The following FXN variants were observed in gnomAD, a reference collection of about 807,000 sequenced individuals.
The protein encoded by FXN is frataxin, mitochondrial.
Under a neutral mutation model 22.4 loss-of-function variants are expected in FXN, and 14 were observed. The observed-to-expected ratio is 0.62, with a 90% CI of 0.41 to 0.98. The LOEUF is 0.98. Among genes scored for constraint, FXN ranks in the 50% least tolerant of loss-of-function variants. FXN has a pLI of 0.00. For missense variants in FXN, 267 were observed against 268.4 expected (o/e 0.99, Z 0.04); for synonymous variants, 120 against 114.1 (o/e 1.05, Z -0.33).
At chr9:69,039,150 G>A (rs1831612224) in intron 1 of FXN, among the ~76,000 whole-genome samples, 2 of 152,080 alleles carry the variant, frequency 1.3e-5, no homozygotes, top group African/African-American at 4.8e-5. Context: ...CTACTCAGGA[G>A]GCTGAGGCAG....
At chr9:69,064,566 A>G (rs1207476269) in intron 3 of FXN, among the ~76,000 whole-genome samples, 1 of 151,882 alleles carries the variant, frequency 6.6e-6, no homozygotes, top group African/African-American at 2.4e-5. Flanking sequence ...CATTTTTTTT[A>G]TGTCCTCTAG....
Position 69,078,292 on chromosome 9 carries a change from C to T in FXN, c.*5530C>T, listed in dbSNP as rs915784582. ...CCGTCCAGAGCATAGCCACCTGATC[C>T]TGCTGGGATTCCTCTTGCCAGTCCA... On this transcript the variant is annotated 3_prime_UTR_variant, in exon 5 of 5. Transcript: ENST00000484259. The T allele has an allele frequency of 3.0e-6, 3 of 985,396 alleles. No homozygotes were observed. Among genetic ancestry groups the T allele is most frequent in the Non-Finnish European group, 3.6e-6 (3 of 829,984 alleles). 61.0% of individuals were successfully genotyped at this position (985,396 alleles called of 1,614,324 possible).
rs1832407929 is a variant in FXN, at chr9:69,078,311, C to T, written c.*5549C>T. 1.0e-6 allele frequency: 1 copy of T among 985,514 alleles called. No homozygotes were observed. Among genetic ancestry groups the T allele is most frequent in the South Asian group, 4.7e-5 (1 of 21,284 alleles). 61.0% of individuals were successfully genotyped at this position (985,514 alleles called of 1,614,324 possible). A position where few individuals can be genotyped will look rare whatever the true frequency, so the allele number is the denominator to read the frequency against. On this transcript the variant is annotated 3_prime_UTR_variant, in exon 5 of 5. Coordinates refer to ENST00000484259, the MANE Select transcript of FXN (RefSeq NM_000144.5). ...CTGATCCTGCTGGGATTCCTCTTGC[C>T]AGTCCATCAGCAGTTCCCCTTGAAA...
chr9:69,047,906 C>T (rs1434076275), intron 2 of FXN, among the ~76,000 whole-genome samples: 4 of 152,132 alleles, frequency 2.6e-5, no homozygotes, highest in African/African-American at 4.8e-5. Context: ...TTAGTAAAGA[C>T]GGGGTTTCAC....
intron 3 of FXN, among the ~76,000 whole-genome samples, chr9:69,057,339 CAG>C (rs1367112823): frequency 6.6e-6 from 1 of 152,190 alleles, no homozygotes; most frequent in African/African-American, 2.4e-5. Flanking sequence ...AGTAGTGGGT[CAG>C]AGAACCTTCC....
Position 69,035,812 on chromosome 9 carries a change from C to G in FXN, c.30C>G (p.Ala10=). 6.6e-7 allele frequency: 1 copy of G among 1,511,664 alleles called. No individual in the cohort carries two copies. Among genetic ancestry groups the G allele is most frequent in the Non-Finnish European group, 8.8e-7 (1 of 1,136,830 alleles). The allele number at this position is 1,511,664 out of a possible 1,614,324, so 93.6% of individuals were successfully genotyped here. A position where few individuals can be genotyped will look rare whatever the true frequency, so the allele number is the denominator to read the frequency against. Residue 10 remains alanine (A), a synonymous_variant, in exon 1 of 5, where the codon GCC becomes GCG. Transcript: ENST00000484259. MWTLGRRAV[A]GLLASPSPAQ... ...GGACTCTCGGGCGCCGCGCAGTAGC[C>G]GGCCTCCTGGCGTCACCCAGCCCAG...
Position 69,077,550 on chromosome 9 carries a change from G to T in FXN, c.*4788G>T. The T allele has an allele frequency of 3.0e-6, 3 of 985,428 alleles. No individual in the cohort carries two copies. Among genetic ancestry groups the T allele is most frequent in the Non-Finnish European group, 3.6e-6 (3 of 829,926 alleles). 61.0% of individuals were successfully genotyped at this position (985,428 alleles called of 1,614,324 possible). A position where few individuals can be genotyped will look rare whatever the true frequency, so the allele number is the denominator to read the frequency against. ...CCTCTGAGGCCCCATCCAGGTAGAA[G>T]TACTAGTGCAAGAAGGGCCTCTGCT... On this transcript the variant is annotated 3_prime_UTR_variant, in exon 5 of 5. Coordinates refer to ENST00000484259, the MANE Select transcript of FXN (RefSeq NM_000144.5).
chr9:69,072,249 G>C (rs1832288872), intron 4 of FXN, among the ~76,000 whole-genome samples: 1 of 152,184 alleles, frequency 6.6e-6, no homozygotes, highest in Non-Finnish European at 1.5e-5. Flanking sequence ...AATATTATAG[G>C]TAAGGCACAA....
chr9:69,076,218 T>G lies in FXN; in HGVS notation c.*3456T>G, dbSNP rs1832364789. The G allele has an allele frequency of 1.7e-5, 4 of 240,960 alleles. No homozygotes were observed. Among genetic ancestry groups the G allele is most frequent in the African/African-American group, 6.2e-5 (1 of 16,078 alleles). The allele number at this position is 240,960 out of a possible 1,614,324, so 14.9% of individuals were successfully genotyped here. Reference sequence around the variant, plus strand: ...TGTAGACACTGACAGTGGCCTCATGTTTTTTTTTTTTTTAATCTATAAAAT... The same window carrying G: ...TGTAGACACTGACAGTGGCCTCATGGTTTTTTTTTTTTTAATCTATAAAAT... On this transcript the variant is annotated 3_prime_UTR_variant, in exon 5 of 5. Transcript: ENST00000484259.
intron 3 of FXN, among the ~76,000 whole-genome samples, chr9:69,063,916 T>C (rs1369533883): frequency 1.3e-5 from 2 of 152,208 alleles, no homozygotes; most frequent in Non-Finnish European, 2.9e-5. Flanking sequence ...ACTTCTGGGC[T>C]CAAGCCATCT....
intron 2 of FXN, among the ~76,000 whole-genome samples, chr9:69,047,969 C>T (rs969214475): frequency 1.3e-5 from 2 of 152,148 alleles, no homozygotes; most frequent in Non-Finnish European, 2.9e-5. Context: ...CCGCCCGCCT[C>T]GGCCTCCCAA....
At chr9:69,039,448 A>G (rs1192172446) in intron 1 of FXN, among the ~76,000 whole-genome samples, 2 of 152,130 alleles carry the variant, frequency 1.3e-5, no homozygotes, top group Non-Finnish European at 2.9e-5. Flanking sequence ...AGATCTGGCT[A>G]CTCAGCAGAA....
At chr9:69,046,609 C>A in intron 2 of FXN, 127 bp downstream of exon 2, 1 of 713,744 alleles carries the variant, frequency 1.4e-6, no homozygotes, top group Non-Finnish European at 2.5e-6. Flanking sequence ...TGAGTATCCA[C>A]CACATTATTT....
Position 69,079,075 on chromosome 9 carries a change from A to G in FXN, c.*6313A>G. The G allele has an allele frequency of 6.8e-6, 6 of 882,670 alleles. No homozygotes were observed. Among genetic ancestry groups the G allele is most frequent in the Non-Finnish European group, 8.1e-6 (6 of 736,702 alleles). 54.7% of individuals were successfully genotyped at this position (882,670 alleles called of 1,614,324 possible). On this transcript the variant is annotated 3_prime_UTR_variant, in exon 5 of 5. Transcript: ENST00000484259. ...GTTCAAATAAACTCTAAATAACCCCAACTCCAAGAGTGTTAGCAAGAAATA... is the reference window on the plus strand; with the variant it reads ...GTTCAAATAAACTCTAAATAACCCCGACTCCAAGAGTGTTAGCAAGAAATA...
chr9:69,076,057 C>T lies in FXN; in HGVS notation c.*3295C>T, dbSNP rs769791923. 6.1e-6 allele frequency: 6 copies of T among 984,080 alleles called. No individual in the cohort carries two copies. In the South Asian group the frequency reaches 1.4e-4, roughly 23 times the overall value. 61.0% of individuals were successfully genotyped at this position (984,080 alleles called of 1,614,324 possible). A position where few individuals can be genotyped will look rare whatever the true frequency, so the allele number is the denominator to read the frequency against. ...TCTTGAGTGGGTAGAACCTCAGCCACATAGAAAATAAAATGTTCTGGCATG... is the reference window on the plus strand; with the variant it reads ...TCTTGAGTGGGTAGAACCTCAGCCATATAGAAAATAAAATGTTCTGGCATG... On this transcript the variant is annotated 3_prime_UTR_variant, in exon 5 of 5. Coordinates refer to ENST00000484259, the MANE Select transcript of FXN (RefSeq NM_000144.5).
chr9:69,064,966 G>A lies in FXN; in HGVS notation c.413G>A (p.Gly138Glu). The change falls in exon 4 of 5, where the codon GGA becomes GAA. Residue 138 changes from glycine (G) to glutamate (E), a missense_variant. Coordinates refer to ENST00000484259, the MANE Select transcript of FXN (RefSeq NM_000144.5). Reference protein sequence around the residue: ...GSGVLTVKLGGDLGTYVINKQ... With the variant: ...GSGVLTVKLGEDLGTYVINKQ... ...GGTGTCTTAACTGTCAAACTGGGTG[G>A]AGATCTAGGAACCTATGTGATCAAC... is the stretch of plus-strand genomic sequence containing the variant. 6.2e-7 allele frequency: 1 copy of A among 1,613,452 alleles called. No individual in the cohort carries two copies. The highest frequency in any genetic ancestry group is 2.2e-5 in the East Asian group (1 of 44,858).
rs1015167303 is a variant in FXN, at chr9:69,035,782, C to T, written c.-1C>T. ...GGAGCGGGCGGCAGACCCGGAGCAG[C>T]ATGTGGACTCTCGGGCGCCGCGCAG... On this transcript the variant is annotated 5_prime_UTR_variant, in exon 1 of 5. Coordinates refer to ENST00000484259, the MANE Select transcript of FXN (RefSeq NM_000144.5). 4 of 1,508,242 alleles carry T rather than the reference C, an allele frequency of 2.7e-6. No homozygotes were observed. The highest frequency in any genetic ancestry group is 4.1e-5 in the Admixed American group (2 of 48,858). 93.4% of individuals were successfully genotyped at this position (1,508,242 alleles called of 1,614,324 possible).
In FXN at chr9:69,074,859, A is replaced by G; in HGVS notation, c.*2097A>G. ...TGGAAATGTTTAAGTGCAGTAGGCC[A>G]GTGCCAGTGAGAAAATAAATAACAT... On this transcript the variant is annotated 3_prime_UTR_variant, in exon 5 of 5. Coordinates refer to ENST00000484259, the MANE Select transcript of FXN (RefSeq NM_000144.5). 1 of 985,150 alleles carries G rather than the reference A, an allele frequency of 1.0e-6. No individual in the cohort carries two copies. The highest frequency in any genetic ancestry group is 1.7e-5 in the African/African-American group (1 of 57,382). 61.0% of individuals were successfully genotyped at this position (985,150 alleles called of 1,614,324 possible). A position where few individuals can be genotyped will look rare whatever the true frequency, so the allele number is the denominator to read the frequency against.
rs182929891 is a variant in FXN at position 69,073,164 on chromosome 9, G to A, written c.*402G>A. 7 of 1,099,662 alleles carry A rather than the reference G, an allele frequency of 6.4e-6. No individual in the cohort carries two copies. In the East Asian group the frequency reaches 4.9e-4, roughly 78 times the overall value. The allele number at this position is 1,099,662 out of a possible 1,614,324, so 68.1% of individuals were successfully genotyped here. ...TGCAAGAAGTACATGAAGAGCAGCTGGTCAACCTGCTCACTGTTCTATCTC... is the reference window on the plus strand; with the variant it reads ...TGCAAGAAGTACATGAAGAGCAGCTAGTCAACCTGCTCACTGTTCTATCTC... On this transcript the variant is annotated 3_prime_UTR_variant, in exon 5 of 5. Transcript: ENST00000484259.
Sources: gnomAD v4.1 joint callset for allele counts (sites outside exome capture counted in the v4.1 genomes callset) on GRCh38, gnomAD v4.1.1 for gene constraint, MANE v1.5 for transcripts, NCBI Gene and HGNC (gene_info 2026-07-23, HGNC 2026-07-21) for gene names.